BMAL1: variants seen among roughly 807,000 people sequenced by gnomAD.
BMAL1 encodes basic helix-loop-helix ARNT-like protein 1.
chr11:13,335,435 C>A, the BMAL1 span, among the ~76,000 whole-genome samples: 1 of 152,158 alleles, frequency 6.6e-6, no homozygotes, highest in Non-Finnish European at 1.5e-5. Flanking sequence ...TTCGCGCCCC[C>A]TATAGGACAT....
chr11:13,277,003 T>G, the BMAL1 span: 1 of 152,178 alleles, frequency 6.6e-6, no homozygotes, highest in Non-Finnish European at 1.5e-5. Context: ...CGCGCTCGAG[T>G]ATTCTCTTTG....
chr11:13,283,449 T>C, the BMAL1 span, among the ~76,000 whole-genome samples: 1 of 152,230 alleles, frequency 6.6e-6, no homozygotes, highest in African/African-American at 2.4e-5. Context: ...AACAACTACA[T>C]GAGGCAGGTA....
the BMAL1 span, among the ~76,000 whole-genome samples, chr11:13,292,045 C>T: frequency 6.6e-6 from 1 of 152,188 alleles, no homozygotes; most frequent in East Asian, 1.9e-4. Flanking sequence ...ATGGAGTGAA[C>T]TGCTAAAAGA....
chr11:13,361,913 G>C, the BMAL1 span, among the ~76,000 whole-genome samples: 1 of 152,188 alleles, frequency 6.6e-6, no homozygotes, highest in Non-Finnish European at 1.5e-5. Flanking sequence ...ATCAAGAAAG[G>C]ATACACCTTC....
the BMAL1 span, among the ~76,000 whole-genome samples, chr11:13,338,784 G>A: frequency 6.6e-6 from 1 of 152,188 alleles, no homozygotes; most frequent in Non-Finnish European, 1.5e-5. Context: ...TGATGTCGAT[G>A]CCTCCCCCAA....
At chr11:13,299,126 C>T in the BMAL1 span, among the ~76,000 whole-genome samples, 2 of 152,152 alleles carry the variant, frequency 1.3e-5, no homozygotes, top group Non-Finnish European at 2.9e-5. Context: ...GTTTGTGCCC[C>T]CTCCCAAGGG....
At chr11:13,334,507 G>A in the BMAL1 span, among the ~76,000 whole-genome samples, 1 of 148,288 alleles carries the variant, frequency 6.7e-6, no homozygotes, top group Non-Finnish European at 1.5e-5. Context: ...AGATCAAGGT[G>A]ACAAATACAG....
chr11:13,324,484 G>A, the BMAL1 span, among the ~76,000 whole-genome samples: 1 of 152,054 alleles, frequency 6.6e-6, no homozygotes, highest in African/African-American at 2.4e-5. Flanking sequence ...CTCCACGCTG[G>A]CCTCTATTCA....
chr11:13,350,988 T>A, the BMAL1 span, among the ~76,000 whole-genome samples: 30 of 152,354 alleles, frequency 2.0e-4, no homozygotes, highest in Admixed American at 1.2e-3. Context: ...TTCTGGGCAC[T>A]AAGGGCACAA....
chr11:13,367,706 G>GGA, the BMAL1 span, among the ~76,000 whole-genome samples: 2 of 86,208 alleles, frequency 2.3e-5, no homozygotes, highest in Non-Finnish European at 4.4e-5. Context: ...CTCTGTCTCA[G>GGA]AAAAAAAAAA....
chr11:13,339,525 C>G, the BMAL1 span, among the ~76,000 whole-genome samples: 2 of 152,052 alleles, frequency 1.3e-5, no homozygotes, highest in South Asian at 4.1e-4. Flanking sequence ...CCATTTTACT[C>G]AGAGTCAAGG....
chr11:13,284,088 G>A, the BMAL1 span, among the ~76,000 whole-genome samples: 1 of 83,208 alleles, frequency 1.2e-5, no homozygotes, highest in African/African-American at 3.6e-5. Flanking sequence ...GTGTGTGTGT[G>A]TGTGTGTGTG....
At chr11:13,281,280 G>A in the BMAL1 span, among the ~76,000 whole-genome samples, 1 of 152,102 alleles carries the variant, frequency 6.6e-6, no homozygotes, top group African/African-American at 2.4e-5. Flanking sequence ...TGTGTACCAG[G>A]CAATTTACAT....
chr11:13,347,945 G>A, the BMAL1 span, among the ~76,000 whole-genome samples: 5 of 152,212 alleles, frequency 3.3e-5, no homozygotes, highest in African/African-American at 1.2e-4. Context: ...AGTACCACCT[G>A]GAGTGAGGCA....
the BMAL1 span, among the ~76,000 whole-genome samples, chr11:13,308,585 G>C: frequency 2.0e-5 from 3 of 152,104 alleles, no homozygotes; most frequent in African/African-American, 7.2e-5. Context: ...ATGATTAACT[G>C]GTGTCAAAGC....
the BMAL1 span, among the ~76,000 whole-genome samples, chr11:13,357,938 C>T: frequency 9.2e-5 from 14 of 152,130 alleles, no homozygotes; most frequent in Non-Finnish European, 1.5e-4. This position sits in a 1 kb window ranked among gnomAD's most constrained non-coding sequence, Gnocchi z 4.8. Context: ...AGGATGACGG[C>T]GTTGGTTACT....
At chr11:13,278,506 G>A in the BMAL1 span, among the ~76,000 whole-genome samples, 1 of 152,224 alleles carries the variant, frequency 6.6e-6, no homozygotes, top group African/African-American at 2.4e-5. Flanking sequence ...TGGGGGCGGG[G>A]AGGGCGTCTC....
the BMAL1 span, among the ~76,000 whole-genome samples, chr11:13,362,340 A>G: frequency 1.3e-5 from 2 of 152,140 alleles, no homozygotes; most frequent in Non-Finnish European, 2.9e-5. Context: ...TACATCTTGT[A>G]TAGGTGCTTT....
At chr11:13,382,866 CT>C in the BMAL1 span, among the ~76,000 whole-genome samples, 15 of 152,248 alleles carry the variant, frequency 9.9e-5, no homozygotes, top group East Asian at 2.9e-3. Context: ...GCTTCCAATT[CT>C]TTTCACATCA....
Sources: allele counts gnomAD v4.1 joint callset (sites outside exome capture counted in the v4.1 genomes callset), GRCh38; gene constraint gnomAD v4.1.1; non-coding constraint Gnocchi (gnomAD v3.1); transcripts MANE v1.5; gene names NCBI Gene and HGNC (gene_info 2026-07-23, HGNC 2026-07-21).